IFI27L1: variants seen among roughly 807,000 people sequenced by gnomAD.
The protein encoded by IFI27L1 is interferon alpha inducible protein 27 like 1.
A neutral mutation model predicts 9.2 loss-of-function variants in IFI27L1; 3 were observed. That is an observed-to-expected ratio of 0.32 (90% confidence interval 0.15 to 0.84). The LOEUF (loss-of-function observed/expected upper bound fraction) is 0.84, where lower values mean the gene tolerates loss of function less well. IFI27L1 is among the 40% of genes least tolerant of loss of function. The probability of loss-of-function intolerance (pLI) is 0.56; values close to 1 mark genes in which losing one functional copy is unlikely to be tolerated. For missense variants in IFI27L1, 133 were observed against 134.2 expected (o/e 0.99, Z 0.05); for synonymous variants, 53 against 50.0 (o/e 1.06, Z -0.26).
At chr14:94,088,164 GAT>G in intron 1 of IFI27L1, 1 of 685,022 alleles carries the variant, frequency 1.5e-6, no homozygotes. Flanking sequence ...CCTGTGCAAG[GAT>G]GTGAAGGTGG....
At chr14:94,089,389 G>C (rs1329093868) in intron 1 of IFI27L1, 4 of 152,170 alleles carry the variant, frequency 2.6e-5, no homozygotes, top group Non-Finnish European at 5.9e-5. Context: ...AGACCATATA[G>C]GGTAACTTCT....
chr14:94,094,210 A>G (rs1886586458), intron 1 of IFI27L1, among the ~76,000 whole-genome samples: 1 of 152,114 alleles, frequency 6.6e-6, no homozygotes, highest in Admixed American at 6.6e-5. Context: ...TGGATTTGGC[A>G]CTACGAGGTA....
intron 2 of IFI27L1, chr14:94,097,366 C>T: frequency 1.8e-6 from 1 of 551,386 alleles, no homozygotes; most frequent in Admixed American, 3.3e-5. Context: ...TTGTGGTTTT[C>T]AGAGCATCTT....
intron 1 of IFI27L1, among the ~76,000 whole-genome samples, chr14:94,086,007 G>T (rs143356920): frequency 6.6e-6 from 1 of 152,242 alleles, no homozygotes; most frequent in East Asian, 1.9e-4. Flanking sequence ...TTGGATATTT[G>T]TCCCCACCCA....
intron 1 of IFI27L1, among the ~76,000 whole-genome samples, chr14:94,093,316 G>A (rs1447026795): frequency 1.3e-5 from 2 of 151,198 alleles, no homozygotes; most frequent in African/African-American, 2.4e-5. Context: ...ACAGACACCC[G>A]CCACCATGCC....
chr14:94,094,986 A>G (rs1178946238), intron 1 of IFI27L1: 1 of 152,206 alleles, frequency 6.6e-6, no homozygotes, highest in Non-Finnish European at 1.5e-5. Flanking sequence ...CTCCTAAGAT[A>G]GAGCGAGTTA....
At chr14:94,081,481 G>T (rs556630008) in intron 1 of IFI27L1, 32 bp downstream of exon 1, 1 of 152,388 alleles carries the variant, frequency 6.6e-6, no homozygotes, top group East Asian at 1.9e-4. Context: ...GTGTAGTTTC[G>T]TTACCGGAAA....
chr14:94,093,328 G>A lies in IFI27L1; in HGVS notation c.-51-3559G>A, dbSNP rs144635890. On this transcript the variant is annotated intron_variant, in intron 1 of 4. Coordinates refer to ENST00000555523, the MANE Select transcript of IFI27L1 (RefSeq NM_206949.3). The stretch of plus-strand genomic sequence containing the variant: ...ACTACAGACACCCGCCACCATGCCC[G>A]GCTAATTTTTTTTTTTGTATTTTTA... Among the ~76,000 whole-genome samples, 1,448 of 151,696 alleles carry A rather than the reference G, an allele frequency of 9.5e-3. 22 individuals carry two copies. Among genetic ancestry groups the A allele is most frequent in the African/African-American group, 0.033 (1,357 of 41,342 alleles).
At chr14:94,093,167 CTTTTTTT>C (rs66928480) in intron 1 of IFI27L1, among the ~76,000 whole-genome samples, 2 of 125,472 alleles carry the variant, frequency 1.6e-5, no homozygotes, top group Non-Finnish European at 3.3e-5. Context: ...CATTTCTTTT[CTTTTTTT>C]TTTTTTTTTT....
At chr14:94,086,013 A>C (rs1886266959) in intron 1 of IFI27L1, among the ~76,000 whole-genome samples, 1 of 152,188 alleles carries the variant, frequency 6.6e-6, no homozygotes, top group South Asian at 2.1e-4. Flanking sequence ...ATTTGTCCCC[A>C]CCCAAATCTC....
In IFI27L1 at chr14:94,101,965, G is replaced by C. The variant is rs772869850; in HGVS notation, c.213G>C (p.Leu71=). The C allele has an allele frequency of 1.9e-6, 3 of 1,614,130 alleles. No individual in the cohort carries two copies. The African/African-American group carries it at 4.0e-5, about 22-fold the overall frequency. The change falls in exon 4 of 5, where the codon CTG becomes CTC. Residue 71 remains leucine (L), a synonymous_variant. Transcript: ENST00000555523. ...CTGCTGGCAGTCTGGTGGCTATTCT[G>C]CAGTCAGTGGGTGAGTGTTCTGGAC... ...GVAAGSLVAI[L]QSVGAAGLSV... is the part of the protein sequence containing the mutation.
At position 94,082,102 on chromosome 14, in the gene IFI27L1, T is replaced by G. The variant is rs538370997; in HGVS notation, c.-52+653T>G. 4.1e-4 allele frequency among the ~76,000 whole-genome samples: 63 copies of G among 152,300 alleles called. 1 individual carries two copies. Among genetic ancestry groups the G allele is most frequent in the African/African-American group, 1.5e-3 (62 of 41,564 alleles). On this transcript the variant is annotated intron_variant, in intron 1 of 4. Transcript: ENST00000555523. ...AAAGTTACTGAAGGAAATTAAACAT[T>G]TTACTCTAATGAACACATGAATGAT... is the stretch of plus-strand genomic sequence containing the variant.
At chr14:94,087,254 G>A (rs1203233726) in intron 1 of IFI27L1, among the ~76,000 whole-genome samples, 1 of 152,206 alleles carries the variant, frequency 6.6e-6, no homozygotes, top group African/African-American at 2.4e-5. Context: ...CTGGGCAGAT[G>A]TGCTCACGGA....
chr14:94,095,974 G>C (rs1040216980), intron 1 of IFI27L1, among the ~76,000 whole-genome samples: 2 of 152,202 alleles, frequency 1.3e-5, no homozygotes, highest in African/African-American at 2.4e-5. Context: ...GAGCATAAGT[G>C]GGGGTATAGT....
At chr14:94,088,802 G>A (rs1886370568) in intron 1 of IFI27L1, among the ~76,000 whole-genome samples, 1 of 152,164 alleles carries the variant, frequency 6.6e-6, no homozygotes, top group South Asian at 2.1e-4. Context: ...GTCTTGGGGA[G>A]CTGTCTCCTA....
intron 2 of IFI27L1, chr14:94,100,487 G>T (rs1370461452): frequency 1.0e-6 from 1 of 985,292 alleles, no homozygotes; most frequent in African/African-American, 1.7e-5. Flanking sequence ...AGGGGGCCCA[G>T]CCACAAGGCT....
At chr14:94,100,015 T>C (rs1430784468) in intron 2 of IFI27L1, among the ~76,000 whole-genome samples, 1 of 152,122 alleles carries the variant, frequency 6.6e-6, no homozygotes, top group East Asian at 1.9e-4. Context: ...TAGCCACACA[T>C]AGCTAGTGGT....
At chr14:94,089,223 A>G (rs537962354) in intron 1 of IFI27L1, 1 of 152,326 alleles carries the variant, frequency 6.6e-6, no homozygotes, top group East Asian at 1.9e-4. Flanking sequence ...AAGTAAGGGA[A>G]TAAAAGAATG....
At chr14:94,094,277 G>C (rs1886588988) in intron 1 of IFI27L1, among the ~76,000 whole-genome samples, 1 of 152,168 alleles carries the variant, frequency 6.6e-6, no homozygotes, top group Admixed American at 6.5e-5. Flanking sequence ...ATGGCTGTGG[G>C]TGGCAGGATT....
Sources: gnomAD v4.1 joint callset for allele counts (sites outside exome capture counted in the v4.1 genomes callset) on GRCh38, gnomAD v4.1.1 for gene constraint, MANE v1.5 for transcripts, NCBI Gene and HGNC (gene_info 2026-07-23, HGNC 2026-07-21) for gene names.